TTC28: variants seen among roughly 807,000 people sequenced by gnomAD.
The protein encoded by TTC28 is tetratricopeptide repeat domain 28, also known as tetratricopeptide repeat protein 28.
TTC28 carries 61 observed loss-of-function variants against 198.0 expected under a neutral mutation model. The ratio of observed to expected loss-of-function variants is 0.31; its 90% CI spans 0.25 to 0.38. The LOEUF is 0.38. Among genes scored for constraint, TTC28 ranks in the 10% least tolerant of loss-of-function variants. TTC28 has a pLI of 1.00. For synonymous variants in TTC28, 1,171 were observed against 1,297.8 expected, an observed-to-expected ratio of 0.90 and a Z score of 2.10; for missense variants, 2,678 against 3,164.0, an observed-to-expected ratio of 0.85 and a Z score of 3.69.
At chr22:28,019,203 TA>T (rs1268517661) in intron 13 of TTC28, among the ~76,000 whole-genome samples, 1 of 152,178 alleles carries the variant, frequency 6.6e-6, no homozygotes, top group East Asian at 1.9e-4. Context: ...TCCTTGCTGG[TA>T]AAATAAAGGG....
At chr22:28,160,275 A>G (rs1921016289) in intron 6 of TTC28, among the ~76,000 whole-genome samples, 1 of 152,256 alleles carries the variant, frequency 6.6e-6, no homozygotes, top group Non-Finnish European at 1.5e-5. Flanking sequence ...TCTCCATGAT[A>G]TGATTATTTC....
rs117851045 is a variant in TTC28 at position 28,593,204 on chromosome 22, C to G, written c.381+36348G>C. ...GTGAGCTTTTGAGAACACTGAAAGT[C>G]TTCAGTGTTCGTGTTCGGTGGTCTT... On this transcript the variant is annotated intron_variant, in intron 2 of 22. Coordinates refer to ENST00000397906, the MANE Select transcript of TTC28 (RefSeq NM_001145418.2). 2.8e-4 allele frequency among the ~76,000 whole-genome samples: 42 copies of G among 152,158 alleles called. 1 individual carries two copies. In the East Asian group the frequency reaches 7.2e-3, roughly 26 times the overall value.
chr22:28,477,853 T>A (rs2048186710), intron 2 of TTC28, among the ~76,000 whole-genome samples: 1 of 152,168 alleles, frequency 6.6e-6, no homozygotes, highest in Admixed American at 6.5e-5. Flanking sequence ...TGCCCAACAC[T>A]GCCTGCTTAA....
chr22:28,423,211 G>A (rs2047289585), intron 2 of TTC28, among the ~76,000 whole-genome samples: 1 of 152,044 alleles, frequency 6.6e-6, no homozygotes. Context: ...CCAACATGGT[G>A]AAACCCCGTC....
Position 28,043,242 on chromosome 22 carries a change from C to CAAAAAAAAAAAAAAAAAAA in TTC28, c.3933-12895_3933-12877dup, listed in dbSNP as rs11362041. The stretch of plus-strand genomic sequence containing the variant: ...TGCATAACAGAGTAAGACTCCATCT[C>CAAAAAAAAAAAAAAAAAAA]AAAAAAAAAAAAAAAAAAAAAAAAA... On this transcript the variant is annotated intron_variant, in intron 12 of 22. Coordinates refer to ENST00000397906, the MANE Select transcript of TTC28 (RefSeq NM_001145418.2). Among the ~76,000 whole-genome samples the CAAAAAAAAAAAAAAAAAAA allele has an allele frequency of 4.6e-4, 30 of 65,566 alleles. 4 individuals carry two copies. Among genetic ancestry groups the CAAAAAAAAAAAAAAAAAAA allele is most frequent in the Non-Finnish European group, 5.9e-4 (21 of 35,432 alleles). 43.0% of individuals were successfully genotyped at this position (65,566 alleles called of 152,430 possible).
At chr22:28,120,135 C>A (rs1356417684) in intron 6 of TTC28, among the ~76,000 whole-genome samples, 1 of 152,114 alleles carries the variant, frequency 6.6e-6, no homozygotes, top group Non-Finnish European at 1.5e-5. Flanking sequence ...ACAAAATTCT[C>A]TTTTGGTGAT....
chr22:28,663,389 G>A (rs1344821450), intron 1 of TTC28, among the ~76,000 whole-genome samples: 7 of 150,308 alleles, frequency 4.7e-5, no homozygotes, highest in Non-Finnish European at 1.0e-4. Flanking sequence ...GAGGTACCGG[G>A]TTCATCTCAC....
intron 2 of TTC28, among the ~76,000 whole-genome samples, chr22:28,446,477 G>C (rs1254126559): frequency 6.6e-6 from 1 of 152,096 alleles, no homozygotes; most frequent in Non-Finnish European, 1.5e-5. Context: ...TCGGATCATG[G>C]GGCTGGATCC....
intron 2 of TTC28, among the ~76,000 whole-genome samples, chr22:28,559,844 A>G (rs570083692): frequency 1.3e-5 from 2 of 152,276 alleles, no homozygotes; most frequent in African/African-American, 4.8e-5. Context: ...TCTTCTATAC[A>G]AACACTCTCT....
intron 1 of TTC28, among the ~76,000 whole-genome samples, chr22:28,655,913 A>C (rs2051641705): frequency 6.6e-6 from 1 of 152,162 alleles, no homozygotes; most frequent in African/African-American, 2.4e-5. Flanking sequence ...CAAGTTCTTA[A>C]GTGAACCCAG....
intron 5 of TTC28, among the ~76,000 whole-genome samples, chr22:28,266,973 G>A (rs1931724559): frequency 6.6e-6 from 1 of 152,106 alleles, no homozygotes; most frequent in Non-Finnish European, 1.5e-5. Flanking sequence ...TTCTCCAGGT[G>A]TTTATAAACA....
intron 5 of TTC28, among the ~76,000 whole-genome samples, chr22:28,224,205 C>CTA (rs1928110478): frequency 6.6e-6 from 1 of 152,184 alleles, no homozygotes; most frequent in Admixed American, 6.5e-5. Flanking sequence ...AAACCCTTCT[C>CTA]TATAGCAGTG....
chr22:28,033,078 C>T (rs1403709900), intron 12 of TTC28, among the ~76,000 whole-genome samples: 1 of 152,162 alleles, frequency 6.6e-6, no homozygotes, highest in Non-Finnish European at 1.5e-5. Context: ...GAGAAATCGG[C>T]TTATCATTCA....
intron 2 of TTC28, among the ~76,000 whole-genome samples, chr22:28,393,420 G>A (rs945752176): frequency 1.3e-5 from 2 of 152,134 alleles, no homozygotes; most frequent in Non-Finnish European, 1.5e-5. Context: ...GGCCAGATGC[G>A]GTGGCTCGTG....
chr22:28,430,561 G>C (rs1364667219), intron 2 of TTC28, among the ~76,000 whole-genome samples: 1 of 152,128 alleles, frequency 6.6e-6, no homozygotes, highest in Middle Eastern at 3.2e-3. Flanking sequence ...AGATAAACTA[G>C]TCAAATGTGG....
At chr22:28,184,526 T>C (rs1481011337) in intron 5 of TTC28, among the ~76,000 whole-genome samples, 1 of 152,158 alleles carries the variant, frequency 6.6e-6, no homozygotes, top group Non-Finnish European at 1.5e-5. Flanking sequence ...ATATGTTCAC[T>C]GAAGAAAAAT....
intron 12 of TTC28, among the ~76,000 whole-genome samples, chr22:28,069,813 G>A (rs571702380): frequency 6.6e-6 from 1 of 151,960 alleles, no homozygotes; most frequent in South Asian, 2.1e-4. Flanking sequence ...TAAGCTCCAC[G>A]GAGTTTGTAT....
chr22:28,098,879 C>A, intron 10 of TTC28, 36 bp downstream of exon 10: 1 of 1,549,014 alleles, frequency 6.5e-7, no homozygotes, highest in Non-Finnish European at 8.7e-7. Context: ...CGCACTAGTG[C>A]ACACGTAAGC....
At chr22:28,142,264 G>A (rs1348276048) in intron 6 of TTC28, among the ~76,000 whole-genome samples, 1 of 152,142 alleles carries the variant, frequency 6.6e-6, no homozygotes. Flanking sequence ...CAAATATTCC[G>A]AGTTCTAAGT....
Sources: allele counts gnomAD v4.1 joint callset (sites outside exome capture counted in the v4.1 genomes callset), GRCh38; gene constraint gnomAD v4.1.1; transcripts MANE v1.5; gene names NCBI Gene and HGNC (gene_info 2026-07-23, HGNC 2026-07-21).